The following CERKL variants were observed in gnomAD, a reference collection of about 807,000 sequenced individuals.
CERKL encodes ceramide kinase-like protein.
In CERKL, 61 loss-of-function variants were observed where a neutral mutation model predicts 63.4. That is an observed-to-expected ratio of 0.96 (90% CI 0.78 to 1.19). The LOEUF (loss-of-function observed/expected upper bound fraction) is 1.19, where lower values mean the gene tolerates loss of function less well. Ranked by LOEUF, CERKL falls within the 50% of genes most tolerant of loss-of-function variation. The probability of loss-of-function intolerance (pLI) is 0.00; values close to 1 mark genes in which losing one functional copy is unlikely to be tolerated. For missense variants in CERKL, 675 were observed against 655.5 expected (o/e 1.03, Z -0.33); for synonymous variants, 250 against 230.5 (o/e 1.08, Z -0.77).
intron 11 of CERKL, among the ~76,000 whole-genome samples, chr2:181,544,442 T>C (rs1687637791): frequency 6.6e-6 from 1 of 152,206 alleles, no homozygotes; most frequent in East Asian, 1.9e-4. Flanking sequence ...CATTGCAATA[T>C]AACACTACAT....
chr2:181,569,450 T>C (rs1366226426), intron 3 of CERKL, among the ~76,000 whole-genome samples: 3 of 152,134 alleles, frequency 2.0e-5, no homozygotes, highest in Non-Finnish European at 4.4e-5. Flanking sequence ...AGGCTTCAAG[T>C]AGAGCCATAA....
intron 2 of CERKL, 69 bp downstream of exon 2, chr2:181,603,768 A>G (rs373225143): frequency 4.6e-5 from 69 of 1,502,472 alleles, no homozygotes; most frequent in Non-Finnish European, 5.4e-5. Flanking sequence ...TTTACTCAAA[A>G]CATGTCTAGA....
intron 1 of CERKL, among the ~76,000 whole-genome samples, chr2:181,623,810 C>G (rs1686562531): frequency 6.6e-6 from 1 of 152,138 alleles, no homozygotes; most frequent in Admixed American, 6.5e-5. Flanking sequence ...GCTGAACTGA[C>G]AATGAGAGTT....
chr2:181,554,691 A>G (rs1237955343), intron 5 of CERKL, among the ~76,000 whole-genome samples: 3 of 152,166 alleles, frequency 2.0e-5, no homozygotes, highest in African/African-American at 7.2e-5. Context: ...GAGTCTGACC[A>G]TAATTCAGCA....
At chr2:181,565,640 A>C in intron 4 of CERKL, 1 of 778,640 alleles carries the variant, frequency 1.3e-6, no homozygotes, top group South Asian at 1.6e-5. Context: ...TATCACAGAC[A>C]AGTTAACCAA....
At chr2:181,648,289 T>C (rs1312991659) in intron 1 of CERKL, among the ~76,000 whole-genome samples, 5 of 152,054 alleles carry the variant, frequency 3.3e-5, no homozygotes, top group African/African-American at 1.2e-4. Context: ...GAGAAAAGCA[T>C]CAAGTTACAT....
intron 2 of CERKL, among the ~76,000 whole-genome samples, chr2:181,601,588 A>T (rs546083216): frequency 6.6e-6 from 1 of 152,272 alleles, no homozygotes; most frequent in Admixed American, 6.5e-5. Context: ...AAAATTTTTT[A>T]AAAGTGCCAG....
intron 1 of CERKL, among the ~76,000 whole-genome samples, chr2:181,608,530 T>G (rs149716043): frequency 2.2e-3 from 329 of 152,334 alleles, no homozygotes; most frequent in African/African-American, 7.6e-3. Flanking sequence ...TACTTCAGTC[T>G]GAATTTAACA....
At chr2:181,557,418 T>A (rs892848536) in intron 5 of CERKL, among the ~76,000 whole-genome samples, 7 of 152,330 alleles carry the variant, frequency 4.6e-5, no homozygotes, top group African/African-American at 1.4e-4. Context: ...AATTTTTGTG[T>A]AAGGTGTAAG....
chr2:181,586,630 A>T (rs1223278559), intron 2 of CERKL, among the ~76,000 whole-genome samples: 1 of 152,208 alleles, frequency 6.6e-6, no homozygotes, highest in Non-Finnish European at 1.5e-5. Flanking sequence ...AGACCTTTTT[A>T]GCACGCCAGT....
In CERKL at chr2:181,656,924, A is replaced by G; in HGVS notation, c.83T>C (p.Val28Ala). ...EEEAPPEAAA[V>A]PPALLTSPQQ... ...CGGGGACGTTAACAGCGCCGGAGGCACAGCGGCAGCCTCCGGGGGCGCCTC... is the reference window on the plus strand; with the variant it reads ...CGGGGACGTTAACAGCGCCGGAGGCGCAGCGGCAGCCTCCGGGGGCGCCTC... The change falls in exon 1 of 13, where the codon GTG (valine) becomes GCG (alanine). Residue 28 changes from valine to alanine, a missense_variant. Val to Ala is a moderately conservative substitution (Grantham distance 64, BLOSUM62 0). Coordinates refer to ENST00000410087, the MANE Select transcript of CERKL (RefSeq NM_201548.5). 3 of 1,596,000 alleles carry G rather than the reference A, an allele frequency of 1.9e-6. No homozygotes were observed. The highest frequency in any genetic ancestry group is 2.6e-6 in the Non-Finnish European group (3 of 1,170,062).
In CERKL at chr2:181,558,373, T is replaced by C. The variant is rs975998555; in HGVS notation, c.820+193A>G. Among the ~76,000 whole-genome samples the C allele has an allele frequency of 2.0e-5, 3 of 152,172 alleles. No homozygotes were observed. The highest frequency in any genetic ancestry group is 4.4e-5 in the Non-Finnish European group (3 of 68,026). On this transcript the variant is annotated intron_variant, in intron 5 of 12. Transcript: ENST00000410087. The surrounding 1 kb of genome is among the most constrained non-coding windows in gnomAD (Gnocchi z 4.2). ...AATAATATATCTGTGATCCCTATTC[T>C]ATAGATTAGAAAAATAAGGCTCAAA...
intron 1 of CERKL, 26 bp downstream of exon 1, chr2:181,656,743 G>C (rs1371068809): frequency 6.4e-7 from 1 of 1,556,602 alleles, no homozygotes; most frequent in African/African-American, 1.4e-5. Context: ...GGAGGGAGGC[G>C]AAGACGCTTG....
chr2:181,628,961 T>A (rs1686830311), intron 1 of CERKL, among the ~76,000 whole-genome samples: 1 of 152,190 alleles, frequency 6.6e-6, no homozygotes, highest in South Asian at 2.1e-4. Context: ...CTATGTCTAC[T>A]TTAGAGAGAA....
At chr2:181,626,525 T>C (rs1686711254) in intron 1 of CERKL, among the ~76,000 whole-genome samples, 2 of 152,196 alleles carry the variant, frequency 1.3e-5, no homozygotes, top group East Asian at 1.9e-4. Context: ...CAGAGGGGAC[T>C]GGCTTCTCCT....
rs1224574398 is a variant in CERKL at position 181,547,865 on chromosome 2, A to G, written c.1134-18T>C. The G allele has an allele frequency of 2.5e-6, 4 of 1,613,892 alleles. No individual in the cohort carries two copies. The highest frequency in any genetic ancestry group is 3.4e-6 in the Non-Finnish European group (4 of 1,179,950). ...GTGCCCTCCTAAAAGAAAGAAAACAAAACAAAGACATAAAACAGATAACGC... is the reference window on the plus strand; with the variant it reads ...GTGCCCTCCTAAAAGAAAGAAAACAGAACAAAGACATAAAACAGATAACGC... On this transcript the variant is annotated intron_variant, in intron 8 of 12. Transcript: ENST00000410087.
intron 1 of CERKL, among the ~76,000 whole-genome samples, chr2:181,607,198 C>T (rs757241879): frequency 6.6e-6 from 1 of 152,236 alleles, no homozygotes; most frequent in Admixed American, 6.5e-5. Flanking sequence ...GAGTGATATA[C>T]ATTCTTAGCA....
chr2:181,587,418 G>T (rs1324439030), intron 2 of CERKL, among the ~76,000 whole-genome samples: 1 of 152,094 alleles, frequency 6.6e-6, no homozygotes, highest in Non-Finnish European at 1.5e-5. Flanking sequence ...GAGAGCAAGA[G>T]AACAGCGAAG....
At chr2:181,596,061 A>G (rs1685194670) in intron 2 of CERKL, among the ~76,000 whole-genome samples, 1 of 152,228 alleles carries the variant, frequency 6.6e-6, no homozygotes, top group Non-Finnish European at 1.5e-5. Flanking sequence ...AGAATCTTCA[A>G]TTAGCATTTT....
Sources: allele counts gnomAD v4.1 joint callset (sites outside exome capture counted in the v4.1 genomes callset), GRCh38; gene constraint gnomAD v4.1.1; non-coding constraint Gnocchi (gnomAD v3.1); transcripts MANE v1.5; gene names NCBI Gene and HGNC (gene_info 2026-07-23, HGNC 2026-07-21).